The following SYN3 variants were observed in gnomAD, a reference collection of about 807,000 sequenced individuals.
SYN3 encodes the protein synapsin III, also known as synapsin-3.
In SYN3, 35 loss-of-function variants were observed where a neutral mutation model predicts 65.8. That is an observed-to-expected ratio of 0.53 (90% CI 0.41 to 0.70). SYN3 has a LOEUF of 0.70. Ranked by LOEUF, SYN3 falls within the 30% of genes least tolerant of loss-of-function variation. The pLI, the probability that SYN3 is intolerant of heterozygous loss-of-function variation, is 0.00. For synonymous variants in SYN3, 270 were observed against 292.9 expected (o/e 0.92, Z 0.80); for missense variants, 680 against 749.0 (o/e 0.91, Z 1.08).
At chr22:33,048,549 C>T (rs978146010) in intron 1 of SYN3, among the ~76,000 whole-genome samples, 2 of 152,126 alleles carry the variant, frequency 1.3e-5, no homozygotes, top group African/African-American at 2.4e-5. Context: ...TATTAGTTCA[C>T]ACAAGAGTTG....
intron 6 of SYN3, among the ~76,000 whole-genome samples, chr22:32,812,949 C>A (rs1304388656): frequency 6.6e-6 from 1 of 152,166 alleles, no homozygotes; most frequent in Non-Finnish European, 1.5e-5. Flanking sequence ...CTCCAGGGTG[C>A]AGTTCTGAAC....
chr22:32,591,756 C>A (rs920013511), intron 7 of SYN3, among the ~76,000 whole-genome samples: 2 of 152,288 alleles, frequency 1.3e-5, no homozygotes, highest in Middle Eastern at 3.4e-3. Context: ...CGGTCAACTG[C>A]GGTCCAGATA....
chr22:33,017,184 C>G (rs1171454840), intron 1 of SYN3, among the ~76,000 whole-genome samples: 1 of 152,176 alleles, frequency 6.6e-6, no homozygotes, highest in Non-Finnish European at 1.5e-5. Flanking sequence ...ATTGTGTGTT[C>G]TTGTCACCTT....
intron 2 of SYN3, among the ~76,000 whole-genome samples, chr22:32,986,605 G>A (rs2052534284): frequency 1.3e-5 from 2 of 152,150 alleles, no homozygotes; most frequent in African/African-American, 4.8e-5. Flanking sequence ...CAGAGGGAAG[G>A]GTAGGGATGG....
intron 2 of SYN3, among the ~76,000 whole-genome samples, chr22:32,991,520 G>A (rs1239518612): frequency 6.6e-6 from 1 of 152,066 alleles, no homozygotes; most frequent in Non-Finnish European, 1.5e-5. Flanking sequence ...CGGTTCTCAC[G>A]CCCAACACAG....
rs146022811 is a variant in SYN3 at position 32,979,966 on chromosome 22, C to T, written c.369+679G>A. ...GTGTTTGGCAGAGAGGAGGTCCTCG[C>T]GGAACGAACAGGAGAAAGCTTTGAT... is the stretch of plus-strand genomic sequence containing the variant. On this transcript the variant is annotated intron_variant, in intron 3 of 13. Transcript: ENST00000358763. Among the ~76,000 whole-genome samples, 856 of 152,150 alleles carry T rather than the reference C, an allele frequency of 5.6e-3. 21 individuals carry two copies. The highest frequency in any genetic ancestry group is 0.039 in the Admixed American group (600 of 15,280).
intron 3 of SYN3, among the ~76,000 whole-genome samples, chr22:32,932,225 G>A (rs529059003): frequency 2.7e-4 from 41 of 149,994 alleles, no homozygotes; most frequent in African/African-American, 9.3e-4. Context: ...CTCTATTAAC[G>A]GACCCACCCC....
At chr22:32,636,400 T>G (rs1020314534) in intron 6 of SYN3, among the ~76,000 whole-genome samples, 45 of 98,810 alleles carry the variant, frequency 4.6e-4, no homozygotes, top group Non-Finnish European at 7.8e-4. Flanking sequence ...AGACTCCATC[T>G]CAAAAAAAAA....
At chr22:32,642,399 T>C (rs1394288745) in intron 6 of SYN3, among the ~76,000 whole-genome samples, 1 of 139,240 alleles carries the variant, frequency 7.2e-6, no homozygotes, top group African/African-American at 2.8e-5. Flanking sequence ...CTCAGTGTCC[T>C]ACCCCAAACT....
At chr22:32,682,830 CTT>C (rs1466723334) in intron 6 of SYN3, among the ~76,000 whole-genome samples, 1 of 152,186 alleles carries the variant, frequency 6.6e-6, no homozygotes, top group Non-Finnish European at 1.5e-5. Flanking sequence ...CGAAGAAACT[CTT>C]GGAGAAGCCC....
At chr22:32,627,442 C>T (rs558840519) in intron 6 of SYN3, among the ~76,000 whole-genome samples, 11 of 152,284 alleles carry the variant, frequency 7.2e-5, no homozygotes, top group Admixed American at 2.0e-4. Flanking sequence ...CGCACACTCA[C>T]GGCAGGTCAC....
chr22:32,899,101 A>AAAACAAAACAAAACAAAACAAAAC lies in SYN3; in HGVS notation c.462-29977_462-29976insGTTTTGTTTTGTTTTGTTTTGTTT, dbSNP rs1556003782. Among the ~76,000 whole-genome samples, 4 of 147,560 alleles carry AAAACAAAACAAAACAAAACAAAAC rather than the reference A, an allele frequency of 2.7e-5. No homozygotes were observed. The South Asian group carries it at 6.8e-4, about 25-fold the overall frequency. On this transcript the variant is annotated intron_variant, in intron 4 of 13. Transcript: ENST00000358763. ...TGGCGACAGAGTGAGACTCTGTCTC[A>AAAACAAAACAAAACAAAACAAAAC]AAAACAAAACAAAACAAAACAACGA...
At chr22:32,672,861 C>T (rs1006267818) in intron 6 of SYN3, among the ~76,000 whole-genome samples, 1 of 152,116 alleles carries the variant, frequency 6.6e-6, no homozygotes, top group Non-Finnish European at 1.5e-5. Context: ...GCAGAAGTGG[C>T]GAGAGAAAGA....
intron 6 of SYN3, among the ~76,000 whole-genome samples, chr22:32,789,012 G>T (rs1330823982): frequency 6.6e-6 from 1 of 152,186 alleles, no homozygotes; most frequent in African/African-American, 2.4e-5. Flanking sequence ...CCTCTGCCAG[G>T]CCAAGGGGCG....
intron 6 of SYN3, chr22:32,859,355 T>G: frequency 1.2e-6 from 2 of 1,612,176 alleles, no homozygotes; most frequent in Non-Finnish European, 1.7e-6. Flanking sequence ...GATAAAAGCA[T>G]CATCAATGCC....
chr22:33,030,742 T>C (rs1278241925), intron 1 of SYN3, among the ~76,000 whole-genome samples: 1 of 139,616 alleles, frequency 7.2e-6, no homozygotes, highest in Non-Finnish European at 1.6e-5. Context: ...GAGACTGAGA[T>C]AGAGACAGAG....
chr22:32,903,568 C>T lies in SYN3; in HGVS notation c.461+27822G>A, dbSNP rs577994972. Among the ~76,000 whole-genome samples the T allele has an allele frequency of 1.1e-4, 17 of 152,288 alleles. No individual in the cohort carries two copies. In the South Asian group the frequency reaches 2.3e-3, roughly 20 times the overall value. On this transcript the variant is annotated intron_variant, in intron 4 of 13. Coordinates refer to ENST00000358763, the MANE Select transcript of SYN3 (RefSeq NM_003490.4). Reference sequence around the variant, plus strand: ...TGAGCTCTCCAGGCCACAAGCCATGCGCTTCGCACATCAGCAGCAGCCTCC... The same window carrying T: ...TGAGCTCTCCAGGCCACAAGCCATGTGCTTCGCACATCAGCAGCAGCCTCC...
At chr22:32,588,777 G>T (rs1474275835) in intron 7 of SYN3, among the ~76,000 whole-genome samples, 1 of 152,172 alleles carries the variant, frequency 6.6e-6, no homozygotes, top group Non-Finnish European at 1.5e-5. Context: ...TATACCAGCG[G>T]TTGGCCTTGA....
At chr22:32,717,995 C>T (rs1168673092) in intron 6 of SYN3, among the ~76,000 whole-genome samples, 4 of 152,290 alleles carry the variant, frequency 2.6e-5, no homozygotes, top group South Asian at 2.1e-4. Flanking sequence ...GATCCAATCA[C>T]GTCAAGCCCA....
Sources: gnomAD v4.1 joint callset for allele counts (sites outside exome capture counted in the v4.1 genomes callset) on GRCh38, gnomAD v4.1.1 for gene constraint, MANE v1.5 for transcripts, NCBI Gene and HGNC (gene_info 2026-07-23, HGNC 2026-07-21) for gene names.